Variants in NLGN1 observed in about 807,000 individuals in gnomAD.
NLGN1 encodes the protein neuroligin 1.
NLGN1 carries 12 observed loss-of-function variants against 65.5 expected under a neutral mutation model. That is an observed-to-expected ratio of 0.18 (90% CI 0.12 to 0.30). The LOEUF (loss-of-function observed/expected upper bound fraction) is 0.30, where lower values mean the gene tolerates loss of function less well. Among genes scored for constraint, NLGN1 ranks in the 10% least tolerant of loss-of-function variants. The probability of loss-of-function intolerance (pLI) is 1.00; values close to 1 mark genes in which losing one functional copy is unlikely to be tolerated. For missense variants in NLGN1, 750 were observed against 1,007.1 expected (o/e 0.74, Z 3.46); for synonymous variants, 350 against 359.5 (o/e 0.97, Z 0.30).
chr3:173,709,445 G>A (rs560766609), intron 3 of NLGN1, among the ~76,000 whole-genome samples: 4 of 152,092 alleles, frequency 2.6e-5, no homozygotes, highest in Non-Finnish European at 5.9e-5. Flanking sequence ...AATATTTGTT[G>A]ATCAAAACTA....
chr3:173,593,989 G>A (rs192600602), intron 2 of NLGN1, among the ~76,000 whole-genome samples: 87 of 152,206 alleles, frequency 5.7e-4, no homozygotes, highest in African/African-American at 2.0e-3. Context: ...CTCCCACTGG[G>A]TCCCCCCGAC....
intron 3 of NLGN1, among the ~76,000 whole-genome samples, chr3:173,778,328 A>T (rs1478578494): frequency 6.6e-6 from 1 of 151,794 alleles, no homozygotes; most frequent in Admixed American, 6.6e-5. Flanking sequence ...ACCATTGTTA[A>T]TTTTTTTAAA....
chr3:173,781,961 G>A (rs1393283183), intron 3 of NLGN1, among the ~76,000 whole-genome samples: 2 of 152,150 alleles, frequency 1.3e-5, no homozygotes, highest in Non-Finnish European at 2.9e-5. Flanking sequence ...TTTAAGGGAA[G>A]GTTGAGATCC....
At chr3:173,778,021 A>AT (rs1780575255) in intron 3 of NLGN1, among the ~76,000 whole-genome samples, 1 of 151,854 alleles carries the variant, frequency 6.6e-6, no homozygotes, top group Non-Finnish European at 1.5e-5. Flanking sequence ...CTATAACCCA[A>AT]TGAAGCACTC....
At chr3:173,838,478 T>C (rs1394277332) in intron 4 of NLGN1, among the ~76,000 whole-genome samples, 3 of 152,162 alleles carry the variant, frequency 2.0e-5, no homozygotes, top group African/African-American at 7.2e-5. Context: ...AAAAAATTTG[T>C]TTAGTAATTT....
At chr3:173,558,362 T>C (rs1380757017) in intron 2 of NLGN1, among the ~76,000 whole-genome samples, 1 of 152,082 alleles carries the variant, frequency 6.6e-6, no homozygotes, top group East Asian at 1.9e-4. Context: ...ACATTTTTCA[T>C]CTGATTGGAA....
intron 2 of NLGN1, among the ~76,000 whole-genome samples, chr3:173,547,916 A>G (rs2149254380): frequency 6.6e-6 from 1 of 152,210 alleles, no homozygotes; most frequent in South Asian, 2.1e-4. Flanking sequence ...AATGGCTTAT[A>G]AGAACAAAAC....
chr3:174,280,747 C>T lies in NLGN1; in HGVS notation c.1916C>T (p.Thr639Met), dbSNP rs138414647. 5.0e-6 allele frequency: 8 copies of T among 1,613,182 alleles called. No homozygotes were observed. Among genetic ancestry groups the T allele is most frequent in the Middle Eastern group, 1.6e-4 (1 of 6,070 alleles). The change falls in exon 7 of 7, where the codon ACG becomes ATG. Residue 639 changes from threonine to methionine, a missense_variant. Transcript: ENST00000457714. The surrounding 1 kb of genome is among the most constrained non-coding windows in gnomAD (Gnocchi z 4.9). ...TCAACTGACATCACTTTCAGACCTACGAGAAAAAATTCTGTACCTGTCACG... is the reference window on the plus strand; with the variant it reads ...TCAACTGACATCACTTTCAGACCTATGAGAAAAAATTCTGTACCTGTCACG...
At chr3:173,605,483 G>A (rs528262995) in intron 3 of NLGN1, 51 bp from the exon 3 acceptor site, 39 of 990,632 alleles carry the variant, frequency 3.9e-5, no homozygotes, top group South Asian at 1.6e-4. Context: ...ATGTTCCGGC[G>A]GTCTATGATG....
intron 4 of NLGN1, among the ~76,000 whole-genome samples, chr3:173,814,986 TTTC>T (rs1718718470): frequency 6.6e-6 from 1 of 151,984 alleles, no homozygotes; most frequent in East Asian, 1.9e-4. Context: ...CTTTTTTTCT[TTTC>T]TTTTCTTTTC....
chr3:173,964,308 T>G (rs1482091674), intron 4 of NLGN1, among the ~76,000 whole-genome samples: 1 of 152,192 alleles, frequency 6.6e-6, no homozygotes, highest in African/African-American at 2.4e-5. Context: ...GTTCATCTTG[T>G]TACCATACTG....
chr3:173,478,993 T>A (rs923978819), intron 2 of NLGN1, among the ~76,000 whole-genome samples: 1 of 152,046 alleles, frequency 6.6e-6, no homozygotes, highest in African/African-American at 2.4e-5. Flanking sequence ...ATAATCAGGG[T>A]TGATATCAGT....
intron 4 of NLGN1, among the ~76,000 whole-genome samples, chr3:174,224,423 G>T (rs1461799855): frequency 6.6e-6 from 1 of 152,180 alleles, no homozygotes; most frequent in Non-Finnish European, 1.5e-5. Flanking sequence ...ATCTGGCCGG[G>T]CGTGATGGCT....
chr3:173,811,587 GAAGAA>G (rs905582256), intron 4 of NLGN1, among the ~76,000 whole-genome samples: 2 of 148,142 alleles, frequency 1.4e-5, no homozygotes, highest in Non-Finnish European at 3.0e-5. Context: ...AAAAAAAAAG[GAAGAA>G]AAGAAGAGAA....
intron 3 of NLGN1, among the ~76,000 whole-genome samples, chr3:173,625,141 G>A (rs978292418): frequency 6.6e-6 from 1 of 151,996 alleles, no homozygotes; most frequent in Non-Finnish European, 1.5e-5. Flanking sequence ...AAGGAACTGG[G>A]GATACCACTG....
chr3:174,075,058 C>G (rs1740628696), intron 4 of NLGN1, among the ~76,000 whole-genome samples: 1 of 152,126 alleles, frequency 6.6e-6, no homozygotes, highest in Admixed American at 6.6e-5. Flanking sequence ...AGCCAAACAT[C>G]TCTTGGAGTG....
intron 2 of NLGN1, among the ~76,000 whole-genome samples, chr3:173,518,225 A>C (rs1734170103): frequency 6.6e-6 from 1 of 151,972 alleles, no homozygotes; most frequent in South Asian, 2.1e-4. Context: ...TTGCATTTGC[A>C]TTTGTGCTAA....
At chr3:173,974,224 A>G (rs1579511175) in intron 4 of NLGN1, among the ~76,000 whole-genome samples, 2 of 151,498 alleles carry the variant, frequency 1.3e-5, no homozygotes, top group African/African-American at 4.8e-5. Flanking sequence ...GATTTACTTC[A>G]TTCCAAAAAA....
intron 4 of NLGN1, among the ~76,000 whole-genome samples, chr3:174,046,636 G>A (rs2152497012): frequency 6.6e-6 from 1 of 152,168 alleles, no homozygotes. Context: ...GTTTGTGACT[G>A]TTTCCTAAGG....
Sources: allele counts gnomAD v4.1 joint callset (sites outside exome capture counted in the v4.1 genomes callset), GRCh38; gene constraint gnomAD v4.1.1; non-coding constraint Gnocchi (gnomAD v3.1); transcripts MANE v1.5; gene names NCBI Gene and HGNC (gene_info 2026-07-23, HGNC 2026-07-21).